Variants in DDAH1 observed in about 807,000 individuals in gnomAD.
The protein encoded by DDAH1 is dimethylarginine dimethylaminohydrolase 1.
In DDAH1, 19 loss-of-function variants were observed where a neutral mutation model predicts 28.8. The ratio of observed to expected loss-of-function variants is 0.66; its 90% CI spans 0.46 to 0.97. The LOEUF is 0.97. DDAH1 is among the 50% of genes least tolerant of loss of function. DDAH1 has a pLI of 0.00. For synonymous variants in DDAH1, 153 were observed against 154.4 expected, an observed-to-expected ratio of 0.99 and a Z score of 0.07; for missense variants, 326 against 375.9, an observed-to-expected ratio of 0.87 and a Z score of 1.10.
Position 85,320,616 on chromosome 1 carries a change from T to A in DDAH1, c.*836A>T, listed in dbSNP as rs233113. On this transcript the variant is annotated 3_prime_UTR_variant, in exon 6 of 6. Coordinates refer to ENST00000284031, the MANE Select transcript of DDAH1 (RefSeq NM_012137.4). ...AAGACTTTCTAAGACATTGTACCCA[T>A]GGGATGTTTCCAAGCTTCTTGATCT... is the stretch of plus-strand genomic sequence containing the variant. The A allele has an allele frequency of 0.35, 52,735 of 151,962 alleles. 9,257 individuals are homozygous for A. Among genetic ancestry groups the A allele is most frequent in the South Asian group, 0.4 (1,936 of 4,812 alleles). 9.4% of individuals were successfully genotyped at this position (151,962 alleles called of 1,614,324 possible).
chr1:85,411,093 G>A (rs770575922), intron 1 of DDAH1, among the ~76,000 whole-genome samples: 1 of 152,168 alleles, frequency 6.6e-6, no homozygotes, highest in Non-Finnish European at 1.5e-5. Context: ...GTGTCTTGGC[G>A]GGGATCCTGA....
intron 1 of DDAH1, among the ~76,000 whole-genome samples, chr1:85,409,136 AT>A (rs142218761): frequency 0.022 from 3,365 of 151,418 alleles, 79 homozygotes; most frequent in East Asian, 0.12. Flanking sequence ...TTTTTTGATG[AT>A]TTTTTTTTAG....
intron 1 of DDAH1, among the ~76,000 whole-genome samples, chr1:85,377,841 G>A (rs1287470099): frequency 6.6e-6 from 1 of 151,836 alleles, no homozygotes; most frequent in African/African-American, 2.4e-5. Flanking sequence ...ATATTTGAAG[G>A]CTGCCCACCT....
At chr1:85,382,045 C>A (rs1324793221) in intron 1 of DDAH1, among the ~76,000 whole-genome samples, 2 of 152,144 alleles carry the variant, frequency 1.3e-5, no homozygotes, top group East Asian at 3.8e-4. Flanking sequence ...AGGAATTGTA[C>A]ATTTCTCACT....
intron 1 of DDAH1, among the ~76,000 whole-genome samples, chr1:85,427,923 G>A (rs1183300811): frequency 1.3e-5 from 2 of 152,174 alleles, no homozygotes; most frequent in Admixed American, 6.5e-5. Context: ...TCCTCTAATA[G>A]TGTGGCTGAA....
At chr1:85,405,987 G>C (rs1407298945) in intron 1 of DDAH1, among the ~76,000 whole-genome samples, 2 of 152,188 alleles carry the variant, frequency 1.3e-5, no homozygotes, top group Admixed American at 6.5e-5. Context: ...TTTTAAAGAA[G>C]CTAAGAACTG....
intron 2 of DDAH1, among the ~76,000 whole-genome samples, chr1:85,354,228 T>G (rs1649373870): frequency 6.6e-6 from 1 of 152,182 alleles, no homozygotes; most frequent in South Asian, 2.1e-4. Context: ...CTGTCCTACA[T>G]TCTTGCTTTG....
chr1:85,422,879 C>T (rs909585933), intron 1 of DDAH1, among the ~76,000 whole-genome samples: 1 of 152,172 alleles, frequency 6.6e-6, no homozygotes, highest in African/African-American at 2.4e-5. Flanking sequence ...TATGAGCGCG[C>T]AGCAAGAAGG....
chr1:85,474,157 C>G (rs748759233), intron 2 of DDAH1, among the ~76,000 whole-genome samples: 12 of 152,226 alleles, frequency 7.9e-5, no homozygotes, highest in South Asian at 4.1e-4. Flanking sequence ...TTTGACCAAT[C>G]AATCCCCTTA....
chr1:85,436,046 C>T (rs975908362), intron 1 of DDAH1, among the ~76,000 whole-genome samples: 2 of 151,936 alleles, frequency 1.3e-5, no homozygotes, highest in Non-Finnish European at 2.9e-5. Flanking sequence ...AGTGATCTGC[C>T]CACATCGGCC....
chr1:85,465,507 G>A (rs1655342115), upstream of DDAH1, among the ~76,000 whole-genome samples: 1 of 152,190 alleles, frequency 6.6e-6, no homozygotes, highest in Admixed American at 6.5e-5. Flanking sequence ...GCAGCTGGAG[G>A]GCTTCCTGGT....
intron 1 of DDAH1, chr1:85,404,410 A>AGAACT: frequency 6.5e-7 from 1 of 1,534,964 alleles, no homozygotes. Context: ...ATTGCCATCC[A>AGAACT]GAACTGCTTT....
intron 1 of DDAH1, among the ~76,000 whole-genome samples, chr1:85,450,642 T>C (rs940339668): frequency 6.6e-6 from 1 of 152,196 alleles, no homozygotes; most frequent in Non-Finnish European, 1.5e-5. Flanking sequence ...TCAAAAAACT[T>C]TGATCTTCAT....
intron 1 of DDAH1, among the ~76,000 whole-genome samples, chr1:85,499,029 G>A (rs1201827386): frequency 2.0e-5 from 3 of 151,974 alleles, no homozygotes; most frequent in African/African-American, 7.2e-5. Flanking sequence ...AAATAGATGG[G>A]AGAAAATAAA....
upstream of DDAH1, among the ~76,000 whole-genome samples, chr1:85,469,526 A>G (rs1431179379): frequency 6.6e-6 from 1 of 152,278 alleles, no homozygotes; most frequent in Non-Finnish European, 1.5e-5. Context: ...CATAGAAAGT[A>G]ACTAGAGCCT....
intron 2 of DDAH1, among the ~76,000 whole-genome samples, chr1:85,483,537 T>C (rs893258779): frequency 6.6e-6 from 1 of 152,214 alleles, no homozygotes; most frequent in Non-Finnish European, 1.5e-5. Context: ...TTTTGGATTT[T>C]AGGAAGATAA....
intron 1 of DDAH1, among the ~76,000 whole-genome samples, chr1:85,388,083 A>G (rs1238073830): frequency 6.6e-6 from 1 of 152,162 alleles, no homozygotes. Context: ...CCCATGACCC[A>G]AACACCTCCC....
chr1:85,430,750 A>G (rs1366167872), intron 1 of DDAH1, among the ~76,000 whole-genome samples: 2 of 152,138 alleles, frequency 1.3e-5, no homozygotes, highest in Non-Finnish European at 2.9e-5. Context: ...TTGTATCCTG[A>G]GACTTTGCTG....
intron 1 of DDAH1, among the ~76,000 whole-genome samples, chr1:85,401,581 C>T (rs1441713880): frequency 6.6e-6 from 1 of 150,736 alleles, no homozygotes; most frequent in South Asian, 2.1e-4. Flanking sequence ...TTCACTGTCA[C>T]CTTGATCTCC....
Sources: gnomAD v4.1 joint callset for allele counts (sites outside exome capture counted in the v4.1 genomes callset) on GRCh38, gnomAD v4.1.1 for gene constraint, MANE v1.5 for transcripts, NCBI Gene and HGNC (gene_info 2026-07-23, HGNC 2026-07-21) for gene names.